Variants in VWA3B observed in about 807,000 individuals in gnomAD.
VWA3B encodes the protein von Willebrand factor A domain containing 3B, also known as von Willebrand factor A domain-containing protein 3B.
Under a neutral mutation model 158.3 loss-of-function variants are expected in VWA3B, and 138 were observed. The ratio of observed to expected loss-of-function variants is 0.87; its 90% CI spans 0.76 to 1.00. VWA3B has a LOEUF of 1.00. Among genes scored for constraint, VWA3B ranks in the 50% least tolerant of loss-of-function variants. The pLI is 0.00. For synonymous variants in VWA3B, 596 were observed against 587.3 expected (o/e 1.01, Z -0.21); for missense variants, 1,555 against 1,565.1 (o/e 0.99, Z 0.11).
chr2:98,112,295 T>TGTGTGG (rs1674195914), intron 2 of VWA3B, among the ~76,000 whole-genome samples: 1 of 151,088 alleles, frequency 6.6e-6, no homozygotes, highest in African/African-American at 2.4e-5. Context: ...TGTGTGTGTG[T>TGTGTGG]GTGTGTGGGT....
intron 12 of VWA3B, among the ~76,000 whole-genome samples, chr2:98,210,503 T>A (rs1300879755): frequency 6.6e-6 from 1 of 152,242 alleles, no homozygotes; most frequent in Non-Finnish European, 1.5e-5. Flanking sequence ...GTGGTACTTA[T>A]GTGCTTACTA....
At chr2:98,139,952 G>A (rs146531934) in intron 7 of VWA3B, among the ~76,000 whole-genome samples, 20 of 152,224 alleles carry the variant, frequency 1.3e-4, no homozygotes, top group African/African-American at 2.9e-4. Flanking sequence ...AACACTCACC[G>A]CAAAGGTCTG....
chr2:98,094,833 C>A (rs1371698287), intron 2 of VWA3B, among the ~76,000 whole-genome samples: 3 of 152,098 alleles, frequency 2.0e-5, no homozygotes, highest in Admixed American at 2.0e-4. Flanking sequence ...TGTTATTCTG[C>A]CTGTGGCTAT....
intron 12 of VWA3B, among the ~76,000 whole-genome samples, chr2:98,199,579 G>C (rs542575139): frequency 6.6e-6 from 1 of 152,278 alleles, no homozygotes; most frequent in African/African-American, 2.4e-5. Flanking sequence ...GTTAAAGGAG[G>C]GGGCCCTGAA....
intron 8 of VWA3B, among the ~76,000 whole-genome samples, chr2:98,170,335 G>T (rs901123745): frequency 2.0e-5 from 3 of 152,154 alleles, no homozygotes; most frequent in Non-Finnish European, 4.4e-5. Flanking sequence ...CAGTCCAAAA[G>T]ATTACCATCT....
At chr2:98,260,187 T>C (rs947122487) in intron 21 of VWA3B, among the ~76,000 whole-genome samples, 3 of 151,798 alleles carry the variant, frequency 2.0e-5, no homozygotes, top group African/African-American at 7.3e-5. Context: ...TTAATGTATA[T>C]TCTGATGTTG....
chr2:98,276,000 C>T (rs2105903108), intron 22 of VWA3B, among the ~76,000 whole-genome samples: 1 of 152,324 alleles, frequency 6.6e-6, no homozygotes, highest in East Asian at 1.9e-4. Context: ...ATCACTGGGT[C>T]TGCTGCTGCC....
chr2:98,166,232 GA>G (rs1462573105), intron 8 of VWA3B, among the ~76,000 whole-genome samples: 2 of 152,148 alleles, frequency 1.3e-5, no homozygotes, highest in Non-Finnish European at 2.9e-5. Flanking sequence ...AGCCACTCAG[GA>G]GGCTGAGACA....
chr2:98,108,059 A>G (rs1323863139), intron 2 of VWA3B, among the ~76,000 whole-genome samples: 1 of 151,990 alleles, frequency 6.6e-6, no homozygotes, highest in East Asian at 1.9e-4. Context: ...TATATGTTGT[A>G]TTATTATTTC....
chr2:98,142,352 C>T (rs1676843869), intron 7 of VWA3B, among the ~76,000 whole-genome samples: 1 of 152,140 alleles, frequency 6.6e-6, no homozygotes. Flanking sequence ...TCTCTTGGGG[C>T]CTGTCTCCTG....
At chr2:98,121,674 T>A (rs1674978114) in intron 5 of VWA3B, among the ~76,000 whole-genome samples, 1 of 152,168 alleles carries the variant, frequency 6.6e-6, no homozygotes, top group Admixed American at 6.5e-5. Flanking sequence ...AGGCTCCCTC[T>A]GTGGGGTGAC....
At position 98,230,227 on chromosome 2, in the gene VWA3B, CT is replaced by C; in HGVS notation, c.2308+22del. ...ACGCAGGTATCAGTGAACAAAATGG[CT>C]TGACTCTTTGCTGGTTTCTCTTCAA... On this transcript the variant is annotated intron_variant, in intron 16 of 27. Transcript: ENST00000477737. 1 of 1,521,308 alleles carries C rather than the reference CT, an allele frequency of 6.6e-7. No homozygotes were observed. Among genetic ancestry groups the C allele is most frequent in the African/African-American group, 1.4e-5 (1 of 71,440 alleles). 94.2% of individuals were successfully genotyped at this position (1,521,308 alleles called of 1,614,324 possible). A position where few individuals can be genotyped will look rare whatever the true frequency, so the allele number is the denominator to read the frequency against.
At chr2:98,288,821 G>C (rs1299241444) in intron 22 of VWA3B, among the ~76,000 whole-genome samples, 1 of 152,062 alleles carries the variant, frequency 6.6e-6, no homozygotes, top group African/African-American at 2.4e-5. Flanking sequence ...GATCTATCAA[G>C]TTGCATAACT....
chr2:98,236,720 T>A lies in VWA3B; in HGVS notation c.2663T>A (p.Val888Asp), dbSNP rs768864160. The change falls in exon 19 of 28, where the codon GTC (valine) becomes GAC (aspartate). Residue 888 changes from valine to aspartate, a missense_variant. Coordinates refer to ENST00000477737, the MANE Select transcript of VWA3B (RefSeq NM_144992.5). ...CTGGACAAGCATGTCGTGTCTAAGG[T>A]CTTTGATGAGGTAAACTGATTGTCT... Reference protein sequence around the residue: ...PVLDKHVVSKVFDEVFPLAHV... With the variant: ...PVLDKHVVSKDFDEVFPLAHV... The A allele has an allele frequency of 1.2e-5, 19 of 1,612,778 alleles. No homozygotes were observed. The highest frequency in any genetic ancestry group is 1.4e-5 in the Non-Finnish European group (17 of 1,179,718).
chr2:98,300,531 C>T lies in VWA3B; in HGVS notation c.3420+315C>T, dbSNP rs141886915. 3.1e-3 allele frequency among the ~76,000 whole-genome samples: 469 copies of T among 152,268 alleles called. 3 individuals carry two copies. The highest frequency in any genetic ancestry group is 5.1e-3 in the Non-Finnish European group (348 of 68,012). ...TGGCTCTCCGTCTTCCTCATCCTCG[C>T]GTCCTCATCCTCCTCCTCCTCCTCC... is the stretch of plus-strand genomic sequence containing the variant. On this transcript the variant is annotated intron_variant, in intron 25 of 27. Coordinates refer to ENST00000477737, the MANE Select transcript of VWA3B (RefSeq NM_144992.5).
At chr2:98,136,428 T>C (rs989835361) in intron 7 of VWA3B, among the ~76,000 whole-genome samples, 5 of 152,066 alleles carry the variant, frequency 3.3e-5, no homozygotes, top group Non-Finnish European at 5.9e-5. Flanking sequence ...ACTGGGTAAT[T>C]TATAAAGAGA....
chr2:98,129,306 G>C (rs376032796), intron 6 of VWA3B, among the ~76,000 whole-genome samples: 10 of 150,864 alleles, frequency 6.6e-5, no homozygotes, highest in African/African-American at 2.0e-4. Context: ...AGAGAGGAGA[G>C]AGACATTGTG....
At position 98,297,979 on chromosome 2, in the gene VWA3B, C is replaced by G. The variant is rs773323404; in HGVS notation, c.3230C>G (p.Ser1077Cys). 8.8e-6 allele frequency: 14 copies of G among 1,589,100 alleles called. No homozygotes were observed. The highest frequency in any genetic ancestry group is 1.0e-5 in the Non-Finnish European group (12 of 1,167,932). ...GFSYGDTKVV[S>C]TSFITPVGGA... ...AGTTACGGAGACACCAAGGTCGTGT[C>G]CACCTCCTTCATCACGCCTGTGGGG... Residue 1077 changes from serine to cysteine, a missense_variant, in exon 24 of 28, where the codon TCC becomes TGC. Transcript: ENST00000477737.
intron 10 of VWA3B, among the ~76,000 whole-genome samples, chr2:98,191,448 T>C (rs561015449): frequency 6.6e-6 from 1 of 152,346 alleles, no homozygotes; most frequent in South Asian, 2.1e-4. Flanking sequence ...TTTCATTGTA[T>C]TTTTATATAT....
Sources: allele counts gnomAD v4.1 joint callset (sites outside exome capture counted in the v4.1 genomes callset), GRCh38; gene constraint gnomAD v4.1.1; transcripts MANE v1.5; gene names NCBI Gene and HGNC (gene_info 2026-07-23, HGNC 2026-07-21).